The following RBM47 variants were observed in gnomAD, a reference collection of about 807,000 sequenced individuals.
RBM47 encodes the protein RNA binding motif protein 47, also known as RNA-binding protein 47.
A neutral mutation model predicts 47.1 loss-of-function variants in RBM47; 21 were observed. That is an observed-to-expected ratio of 0.45 (90% CI 0.32 to 0.64). RBM47 has a LOEUF of 0.64. Among genes scored for constraint, RBM47 ranks in the 30% least tolerant of loss-of-function variants. RBM47 has a pLI of 0.05. For synonymous variants in RBM47, 375 were observed against 361.7 expected, an observed-to-expected ratio of 1.04 and a Z score of -0.42; for missense variants, 708 against 870.9, an observed-to-expected ratio of 0.81 and a Z score of 2.35.
At chr4:40,483,266 T>C (rs1720657343) in intron 2 of RBM47, among the ~76,000 whole-genome samples, 1 of 152,202 alleles carries the variant, frequency 6.6e-6, no homozygotes, top group Admixed American at 6.5e-5. Flanking sequence ...TTGAATTGGT[T>C]GCAAGAGTCA....
chr4:40,554,842 A>G (rs1729921701), intron 1 of RBM47, among the ~76,000 whole-genome samples: 1 of 148,752 alleles, frequency 6.7e-6, no homozygotes, highest in African/African-American at 2.5e-5. Context: ...GCTTGCTGCA[A>G]CCTCCACCTC....
chr4:40,607,649 G>C (rs1735885241), intron 1 of RBM47, among the ~76,000 whole-genome samples: 1 of 152,206 alleles, frequency 6.6e-6, no homozygotes, highest in Non-Finnish European at 1.5e-5. Flanking sequence ...CGGGGCTGCA[G>C]AGAGCTGCGG....
At chr4:40,584,867 G>GTGTTTGTT (rs56237615) in intron 1 of RBM47, among the ~76,000 whole-genome samples, 23 of 151,226 alleles carry the variant, frequency 1.5e-4, no homozygotes, top group South Asian at 2.1e-4. Context: ...TAGATCATGT[G>GTGTTTGTT]TGTTTGTTTG....
Position 40,438,096 on chromosome 4 carries a change from G to C in RBM47, c.798C>G (p.Phe266Leu). 1 of 1,613,826 alleles carries C rather than the reference G, an allele frequency of 6.2e-7. No individual in the cohort carries two copies. Among genetic ancestry groups the C allele is most frequent in the South Asian group, 1.1e-5 (1 of 91,092 alleles). Residue 266 changes from phenylalanine to leucine, a missense_variant, in exon 4 of 7, where the codon TTC becomes TTG. Phe to Leu is a conservative substitution (Grantham distance 22, BLOSUM62 0). Coordinates refer to ENST00000295971, the MANE Select transcript of RBM47 (RefSeq NM_001098634.2). ...ETTEDTIKKS[F>L]GQFNPGCVER... ...CCACGCAGCCGGGGTTGAACTGGCC[G>C]AAGCTCTTCTTGATGGTGTCCTCGG...
At chr4:40,596,002 C>T (rs1734722457) in intron 1 of RBM47, among the ~76,000 whole-genome samples, 1 of 152,124 alleles carries the variant, frequency 6.6e-6, no homozygotes, top group Non-Finnish European at 1.5e-5. Context: ...AGCCTCTCTG[C>T]ACGCAGTCAG....
chr4:40,504,986 C>T (rs1023862096), intron 2 of RBM47, among the ~76,000 whole-genome samples: 17 of 152,146 alleles, frequency 1.1e-4, no homozygotes, highest in Non-Finnish European at 2.4e-4. Context: ...CACAAGATTC[C>T]TTAATTTTCC....
At position 40,504,451 on chromosome 4, in the gene RBM47, T is replaced by G. The variant is rs558061075; in HGVS notation, c.-154-37752A>C. Among the ~76,000 whole-genome samples the G allele has an allele frequency of 7.9e-5, 12 of 152,094 alleles. No homozygotes were observed. In the South Asian group the frequency reaches 2.5e-3, roughly 32 times the overall value. ...GATTACAGGTGCCCGCCACCACACC[T>G]GACTAATCTTTTTGTATTTTTAGTA... On this transcript the variant is annotated intron_variant, in intron 2 of 6. Transcript: ENST00000295971.
intron 2 of RBM47, among the ~76,000 whole-genome samples, chr4:40,541,018 G>A (rs1057505939): frequency 3.3e-5 from 5 of 151,978 alleles, no homozygotes; most frequent in African/African-American, 1.2e-4. Flanking sequence ...GCCAGGCACA[G>A]TGGGTCACAC....
intron 2 of RBM47, among the ~76,000 whole-genome samples, chr4:40,475,202 C>T (rs912079144): frequency 6.6e-6 from 1 of 152,162 alleles, no homozygotes; most frequent in Non-Finnish European, 1.5e-5. Context: ...GAGGAAATGT[C>T]ATCATTGTCA....
chr4:40,460,843 G>A (rs1283208618), intron 3 of RBM47, among the ~76,000 whole-genome samples: 5 of 134,540 alleles, frequency 3.7e-5, no homozygotes, highest in Admixed American at 8.6e-5. Flanking sequence ...AGCCAAGATC[G>A]CACCACTGCA....
chr4:40,454,542 G>A (rs1407256339), intron 3 of RBM47, among the ~76,000 whole-genome samples: 8 of 152,090 alleles, frequency 5.3e-5, no homozygotes, highest in African/African-American at 1.7e-4. Flanking sequence ...CTGTCACCCA[G>A]GTTGGAGTGC....
intron 1 of RBM47, among the ~76,000 whole-genome samples, chr4:40,565,489 T>A (rs1269656152): frequency 1.3e-5 from 2 of 152,148 alleles, no homozygotes; most frequent in African/African-American, 2.4e-5. Flanking sequence ...AAGCAGCAGC[T>A]CTCCACTAAG....
At chr4:40,601,822 G>A (rs1735307276) in intron 1 of RBM47, among the ~76,000 whole-genome samples, 1 of 152,188 alleles carries the variant, frequency 6.6e-6, no homozygotes, top group Admixed American at 6.5e-5. Context: ...AGGCCTTAAA[G>A]GAAATTGTTT....
chr4:40,557,973 T>C (rs1268755652), intron 1 of RBM47, among the ~76,000 whole-genome samples: 1 of 152,218 alleles, frequency 6.6e-6, no homozygotes, highest in East Asian at 1.9e-4. Flanking sequence ...TTTTAATGTG[T>C]ACTCTGGTTA....
intron 2 of RBM47, among the ~76,000 whole-genome samples, chr4:40,506,389 G>A (rs969148083): frequency 2.6e-5 from 4 of 152,176 alleles, no homozygotes; most frequent in Non-Finnish European, 4.4e-5. Context: ...TCAAAGGGAA[G>A]GCAAACTGAG....
intron 1 of RBM47, among the ~76,000 whole-genome samples, chr4:40,571,300 G>C (rs1470082005): frequency 6.6e-6 from 1 of 152,002 alleles, no homozygotes; most frequent in Non-Finnish European, 1.5e-5. Context: ...CCAGATATAT[G>C]TTCAAGTATA....
chr4:40,438,807 C>T lies in RBM47; in HGVS notation c.87G>A (p.Ala29=), dbSNP rs772523358. ...GCGCCAGCAGTGCTGCCTCGTTGGG[C>T]GCGCCCGCCACGCCCTCGGGCACCT... ...SAKVPEGVAG[A]PNEAALLALM... The change falls in exon 4 of 7, where the codon GCG becomes GCA. Residue 29 remains alanine, a synonymous_variant. Coordinates refer to ENST00000295971, the MANE Select transcript of RBM47 (RefSeq NM_001098634.2). The T allele has an allele frequency of 9.7e-6, 15 of 1,545,942 alleles. No homozygotes were observed. Among genetic ancestry groups the T allele is most frequent in the African/African-American group, 9.5e-5 (7 of 73,718 alleles).
intron 2 of RBM47, among the ~76,000 whole-genome samples, chr4:40,523,429 T>C (rs568206785): frequency 6.6e-6 from 1 of 152,092 alleles, no homozygotes; most frequent in South Asian, 2.1e-4. Flanking sequence ...GACGGGCAGA[T>C]AGCCTGAGGT....
At chr4:40,617,736 A>T (rs553938810) in intron 1 of RBM47, among the ~76,000 whole-genome samples, 1 of 151,302 alleles carries the variant, frequency 6.6e-6, no homozygotes, top group East Asian at 1.9e-4. Flanking sequence ...TATATGATTA[A>T]TTTGAGTTAT....
Sources: gnomAD v4.1 joint callset for allele counts (sites outside exome capture counted in the v4.1 genomes callset) on GRCh38, gnomAD v4.1.1 for gene constraint, MANE v1.5 for transcripts, NCBI Gene and HGNC (gene_info 2026-07-23, HGNC 2026-07-21) for gene names.